KCNQ1: variants seen among roughly 807,000 people sequenced by gnomAD.
The protein encoded by KCNQ1 is potassium voltage-gated channel subfamily Q member 1, also known as potassium voltage-gated channel subfamily KQT member 1.
Under a neutral mutation model 72.4 loss-of-function variants are expected in KCNQ1, and 49 were observed. The observed-to-expected ratio is 0.68, with a 90% CI of 0.54 to 0.86. KCNQ1 has a LOEUF of 0.86. Ranked by LOEUF, KCNQ1 falls within the 40% of genes least tolerant of loss-of-function variation. KCNQ1 has a pLI of 0.00. For synonymous variants in KCNQ1, 450 were observed against 412.6 expected (o/e 1.09, Z -1.10); for missense variants, 790 against 945.1 (o/e 0.84, Z 2.15).
chr11:2,820,168 C>T (rs1327546042), intron 15 of KCNQ1, among the ~76,000 whole-genome samples: 3 of 152,104 alleles, frequency 2.0e-5, no homozygotes, highest in African/African-American at 7.2e-5. Context: ...AAGCTTAGCA[C>T]ATTTATTTTC....
In KCNQ1 at chr11:2,587,552, C is replaced by T. The variant is rs1205468521; in HGVS notation, c.1129-18C>T. 1.2e-6 allele frequency: 2 copies of T among 1,613,466 alleles called. No individual in the cohort carries two copies. Among genetic ancestry groups the T allele is most frequent in the East Asian group, 2.2e-5 (1 of 44,870 alleles). ...GGTGGCTCAGCAGGTGACAGCCTGT[C>T]CCCCTGCCCGACCTCAGACCGCATG... is the stretch of plus-strand genomic sequence containing the variant. On this transcript the variant is annotated intron_variant, in intron 8 of 15. Transcript: ENST00000155840.
chr11:2,799,971 G>A (rs909279692), intron 15 of KCNQ1, among the ~76,000 whole-genome samples: 4 of 152,202 alleles, frequency 2.6e-5, no homozygotes, highest in Non-Finnish European at 5.9e-5. Context: ...ACTGAGGTCC[G>A]GAGAGGCCTG....
At chr11:2,777,682 G>C (rs1465462080) in intron 14 of KCNQ1, 2 of 602,074 alleles carry the variant, frequency 3.3e-6, no homozygotes, top group African/African-American at 3.7e-5. Context: ...AATGGCATGG[G>C]CTTGCACAGC....
At chr11:2,721,697 C>A (rs1246343760) in intron 11 of KCNQ1, among the ~76,000 whole-genome samples, 1 of 152,210 alleles carries the variant, frequency 6.6e-6, no homozygotes, top group Non-Finnish European at 1.5e-5. Flanking sequence ...GCAGATCACG[C>A]CAGGCAGGCC....
intron 1 of KCNQ1, among the ~76,000 whole-genome samples, chr11:2,506,712 C>T (rs1847111013): frequency 6.6e-6 from 1 of 152,218 alleles, no homozygotes; most frequent in African/African-American, 2.4e-5. Flanking sequence ...TGCACTCCCC[C>T]AGCAATGCAT....
At chr11:2,717,350 T>C (rs1851110361) in intron 11 of KCNQ1, among the ~76,000 whole-genome samples, 1 of 152,172 alleles carries the variant, frequency 6.6e-6, no homozygotes, top group Non-Finnish European at 1.5e-5. Context: ...GCTTCTGTGA[T>C]CGCAGCCCAC....
At chr11:2,535,172 G>A (rs1347474072) in intron 2 of KCNQ1, among the ~76,000 whole-genome samples, 2 of 152,230 alleles carry the variant, frequency 1.3e-5, no homozygotes, top group Non-Finnish European at 1.5e-5. Context: ...AGAGGCTCTC[G>A]GAGCCTGTTC....
At chr11:2,619,712 A>AT (rs35618307) in intron 10 of KCNQ1, 18,093 of 279,042 alleles carry the variant, frequency 0.065, 174 homozygotes, top group African/African-American at 0.1. Flanking sequence ...CTTTAGCTGC[A>AT]TTTTTTTTTT....
At chr11:2,513,162 G>A (rs554953891) in intron 1 of KCNQ1, among the ~76,000 whole-genome samples, 1 of 152,142 alleles carries the variant, frequency 6.6e-6, no homozygotes, top group Non-Finnish European at 1.5e-5. Flanking sequence ...TGATGTGAGT[G>A]CAGGGACTCC....
chr11:2,469,070 A>G (rs1366044652), intron 1 of KCNQ1, among the ~76,000 whole-genome samples: 1 of 152,014 alleles, frequency 6.6e-6, no homozygotes, highest in African/African-American at 2.4e-5. Flanking sequence ...CTCCTTGTCA[A>G]CACTTGGTGT....
intron 11 of KCNQ1, among the ~76,000 whole-genome samples, chr11:2,733,856 TC>T (rs143023369): frequency 0.24 from 5,187 of 22,030 alleles, 478 homozygotes; most frequent in African/African-American, 0.34. Flanking sequence ...TCTCTCTCTC[TC>T]CCCCCCCACT....
At position 2,690,739 on chromosome 11, in the gene KCNQ1, A is replaced by G. The variant is rs1030913557; in HGVS notation, c.1514+28658A>G. The G allele has an allele frequency of 6.0e-5, 24 of 398,552 alleles. No individual in the cohort carries two copies. Among genetic ancestry groups the G allele is most frequent in the Admixed American group, 4.4e-5 (1 of 22,716 alleles). The allele number at this position is 398,552 out of a possible 1,614,324, so 24.7% of individuals were successfully genotyped here. A position where few individuals can be genotyped will look rare whatever the true frequency, so the allele number is the denominator to read the frequency against. On this transcript the variant is annotated intron_variant, in intron 11 of 15. Coordinates refer to ENST00000155840, the MANE Select transcript of KCNQ1 (RefSeq NM_000218.3). The surrounding 1 kb of genome is among the most constrained non-coding windows in gnomAD (Gnocchi z 5.1). Reference sequence around the variant, plus strand: ...TGATCCCAGTGGTTGAAGATGGAGTATGATCCCAAATCCCTTAGGTGGATG... The same window carrying G: ...TGATCCCAGTGGTTGAAGATGGAGTGTGATCCCAAATCCCTTAGGTGGATG...
At chr11:2,487,057 G>A (rs1406293564) in intron 1 of KCNQ1, among the ~76,000 whole-genome samples, 2 of 152,164 alleles carry the variant, frequency 1.3e-5, no homozygotes, top group African/African-American at 2.4e-5. Context: ...TTTGTATATG[G>A]TGTGAAGTAA....
chr11:2,448,444 G>T, intron 1 of KCNQ1, among the ~76,000 whole-genome samples: 1 of 152,344 alleles, frequency 6.6e-6, no homozygotes, highest in African/African-American at 2.4e-5. Flanking sequence ...GGCTGATCTG[G>T]CTGCCTCCCC....
rs943768669 is a variant in KCNQ1, at chr11:2,781,472, C to A, written c.1794+3435C>A. On this transcript the variant is annotated intron_variant, in intron 15 of 15. Coordinates refer to ENST00000155840, the MANE Select transcript of KCNQ1 (RefSeq NM_000218.3). This position sits in a 1 kb window ranked among gnomAD's most constrained non-coding sequence, Gnocchi z 6.6. ...AGGGCCTTCAGTGTGGGCCAGGGACCAATGCAGGCGGTCGGGAGAGGTCCG... is the reference window on the plus strand; with the variant it reads ...AGGGCCTTCAGTGTGGGCCAGGGACAAATGCAGGCGGTCGGGAGAGGTCCG... Among the ~76,000 whole-genome samples, 3 of 152,216 alleles carry A rather than the reference C, an allele frequency of 2.0e-5. No individual in the cohort carries two copies. The highest frequency in any genetic ancestry group is 4.4e-5 in the Non-Finnish European group (3 of 68,034).
chr11:2,476,109 A>G (rs966496290), intron 1 of KCNQ1, among the ~76,000 whole-genome samples: 38 of 152,240 alleles, frequency 2.5e-4, no homozygotes, highest in African/African-American at 9.2e-4. Flanking sequence ...AATTATTGAT[A>G]TAGTTAAATT....
chr11:2,699,289 C>T (rs1850731250), intron 11 of KCNQ1: 2 of 399,020 alleles, frequency 5.0e-6, no homozygotes, highest in East Asian at 7.1e-5. Context: ...GCACTGCTGA[C>T]GCCTGTGATC....
At position 2,645,773 on chromosome 11, in the gene KCNQ1, C is replaced by G. The variant is rs1849656322; in HGVS notation, c.1394-16188C>G. The G allele has an allele frequency of 2.5e-6, 1 of 398,628 alleles. No individual in the cohort carries two copies. Among genetic ancestry groups the G allele is most frequent in the African/African-American group, 2.1e-5 (1 of 48,668 alleles). The allele number at this position is 398,628 out of a possible 1,614,324, so 24.7% of individuals were successfully genotyped here. ...GGGATGAGATAGAGGGATGTGGGGC[C>G]CACAGCAGATGCAGTCTGGTGGGGG... On this transcript the variant is annotated intron_variant, in intron 10 of 15. Transcript: ENST00000155840. The surrounding 1 kb of genome is among the most constrained non-coding windows in gnomAD (Gnocchi z 5.8).
rs969092785 is a variant in KCNQ1, at chr11:2,515,590, G to T, written c.387-12338G>T. Among the ~76,000 whole-genome samples the T allele has an allele frequency of 6.6e-6, 1 of 152,156 alleles. No homozygotes were observed. Among genetic ancestry groups the T allele is most frequent in the Admixed American group, 6.5e-5 (1 of 15,282 alleles). ...AGCCTCGCCATTTCTGGGGTGGGGG[G>T]TGCACAGGTGCATCTGGTCTGCCCA... On this transcript the variant is annotated intron_variant, in intron 1 of 15. Transcript: ENST00000155840. This position sits in a 1 kb window ranked among gnomAD's most constrained non-coding sequence, Gnocchi z 4.7.
Sources: allele counts gnomAD v4.1 joint callset (sites outside exome capture counted in the v4.1 genomes callset), GRCh38; gene constraint gnomAD v4.1.1; non-coding constraint Gnocchi (gnomAD v3.1); transcripts MANE v1.5; gene names NCBI Gene and HGNC (gene_info 2026-07-23, HGNC 2026-07-21).